The following SNTG2 variants were observed in gnomAD, a reference collection of about 807,000 sequenced individuals.
The protein encoded by SNTG2 is syntrophin gamma 2, also known as gamma-2-syntrophin.
Under a neutral mutation model 70.9 loss-of-function variants are expected in SNTG2, and 74 were observed. The observed-to-expected ratio is 1.04, with a 90% CI of 0.86 to 1.27. SNTG2 has a LOEUF of 1.27. Ranked by LOEUF, SNTG2 falls within the 50% of genes most tolerant of loss-of-function variation. SNTG2 has a pLI of 0.00. For missense variants in SNTG2, 717 were observed against 690.7 expected (o/e 1.04, Z -0.43); for synonymous variants, 278 against 273.8 (o/e 1.02, Z -0.15).
chr2:1,152,095 T>C (rs1411341905), intron 6 of SNTG2, among the ~76,000 whole-genome samples: 1 of 152,118 alleles, frequency 6.6e-6, no homozygotes, highest in African/African-American at 2.4e-5. Flanking sequence ...GTTCTGGCAT[T>C]ATTTATCTGG....
At chr2:1,244,879 T>G (rs1263919963) in intron 11 of SNTG2, among the ~76,000 whole-genome samples, 1 of 151,874 alleles carries the variant, frequency 6.6e-6, no homozygotes. Context: ...AGCCAGCTGC[T>G]CCGAAGATTT....
At chr2:1,284,818 CAA>C in intron 14 of SNTG2, among the ~76,000 whole-genome samples, 1 of 152,012 alleles carries the variant, frequency 6.6e-6, no homozygotes, top group East Asian at 1.9e-4. Context: ...TTATTAATGA[CAA>C]ACATTTATTG....
chr2:1,091,588 G>A (rs1665031400), intron 2 of SNTG2, among the ~76,000 whole-genome samples: 1 of 152,154 alleles, frequency 6.6e-6, no homozygotes, highest in Admixed American at 6.5e-5. Context: ...CTACGGGGCC[G>A]CTCCCCCATG....
At chr2:1,009,062 A>G (rs1659649241) in intron 1 of SNTG2, among the ~76,000 whole-genome samples, 1 of 152,142 alleles carries the variant, frequency 6.6e-6, no homozygotes, top group South Asian at 2.1e-4. Context: ...TTCTAGAGAA[A>G]CTCCTGGTAT....
intron 4 of SNTG2, 27 bp downstream of exon 4, chr2:1,098,437 A>C (rs1007575931): frequency 6.2e-7 from 1 of 1,606,102 alleles, no homozygotes. Flanking sequence ...TGACCTGTGT[A>C]TGCATCACAG....
intron 6 of SNTG2, among the ~76,000 whole-genome samples, chr2:1,138,044 G>A (rs566925120): frequency 4.6e-5 from 7 of 152,184 alleles, no homozygotes; most frequent in Non-Finnish European, 1.0e-4. Context: ...CCTCACAAAC[G>A]CTGTAAAATA....
chr2:1,326,361 A>G (rs1045168774), intron 16 of SNTG2, among the ~76,000 whole-genome samples: 4 of 152,202 alleles, frequency 2.6e-5, no homozygotes, highest in African/African-American at 7.2e-5. Context: ...CAAAAAGGCA[A>G]TTTTAGATTT....
At chr2:1,338,537 A>G (rs867041196) in intron 16 of SNTG2, among the ~76,000 whole-genome samples, 2 of 152,080 alleles carry the variant, frequency 1.3e-5, no homozygotes, top group African/African-American at 2.4e-5. Flanking sequence ...CCTTCTCCCA[A>G]TCCCCAGCTC....
At chr2:1,315,345 A>G (rs1681225350) in intron 15 of SNTG2, among the ~76,000 whole-genome samples, 1 of 152,248 alleles carries the variant, frequency 6.6e-6, no homozygotes, top group African/African-American at 2.4e-5. Context: ...GTCAATGGTC[A>G]GATGGGATAG....
chr2:1,314,773 G>A (rs1340922600), intron 15 of SNTG2, among the ~76,000 whole-genome samples: 1 of 152,214 alleles, frequency 6.6e-6, no homozygotes, highest in Admixed American at 6.5e-5. Context: ...TGGCTGGGGA[G>A]GCCTCACAAT....
intron 1 of SNTG2, among the ~76,000 whole-genome samples, chr2:998,400 GA>G (rs972525027): frequency 1.3e-5 from 2 of 151,506 alleles, no homozygotes; most frequent in East Asian, 3.9e-4. Flanking sequence ...AAAGAAATCG[GA>G]AAAAAATCAA....
At chr2:1,245,555 G>A (rs528388904) in intron 11 of SNTG2, among the ~76,000 whole-genome samples, 6 of 152,314 alleles carry the variant, frequency 3.9e-5, no homozygotes, top group South Asian at 2.1e-4. Flanking sequence ...AATTAATCAC[G>A]CATTGAATTC....
At chr2:1,023,227 A>G (rs1275948136) in intron 1 of SNTG2, among the ~76,000 whole-genome samples, 1 of 151,618 alleles carries the variant, frequency 6.6e-6, no homozygotes, top group Non-Finnish European at 1.5e-5. Flanking sequence ...GTTTGAAATG[A>G]GGGATTTGAG....
At chr2:1,276,990 A>G (rs1572907521) in intron 14 of SNTG2, among the ~76,000 whole-genome samples, 1 of 152,250 alleles carries the variant, frequency 6.6e-6, no homozygotes, top group East Asian at 1.9e-4. Context: ...GCTGAAGATG[A>G]TTGAATTGCT....
At chr2:1,148,383 G>A (rs1669238407) in intron 6 of SNTG2, among the ~76,000 whole-genome samples, 1 of 152,192 alleles carries the variant, frequency 6.6e-6, no homozygotes, top group South Asian at 2.1e-4. Context: ...ATCACCTCGT[G>A]TTCCCAGGGC....
chr2:1,179,034 G>A (rs1399357082), intron 8 of SNTG2, among the ~76,000 whole-genome samples: 1 of 152,142 alleles, frequency 6.6e-6, no homozygotes, highest in East Asian at 1.9e-4. Context: ...AGTCTTGGGA[G>A]GGTGTATGTG....
chr2:1,174,550 C>T (rs553918712), intron 8 of SNTG2, among the ~76,000 whole-genome samples: 2 of 152,200 alleles, frequency 1.3e-5, no homozygotes, highest in South Asian at 4.1e-4. Flanking sequence ...TTGGCTATTC[C>T]ATAAGGTAGA....
At chr2:1,262,694 CGT>C (rs774388134) in intron 13 of SNTG2, 33,149 of 127,032 alleles carry the variant, frequency 0.26, 5,591 homozygotes, top group Middle Eastern at 0.4. Context: ...CGGAAGGCTC[CGT>C]CCAGACGAGG....
At chr2:1,277,380 G>A (rs1322934756) in intron 14 of SNTG2, among the ~76,000 whole-genome samples, 1 of 152,126 alleles carries the variant, frequency 6.6e-6, no homozygotes. Context: ...CAACATCCAG[G>A]CAAGGTCCTC....
Sources: allele counts gnomAD v4.1 joint callset (sites outside exome capture counted in the v4.1 genomes callset), GRCh38; gene constraint gnomAD v4.1.1; transcripts MANE v1.5; gene names NCBI Gene and HGNC (gene_info 2026-07-23, HGNC 2026-07-21).